MYRIP: variants seen among roughly 807,000 people sequenced by gnomAD.
MYRIP encodes myosin VIIA and Rab interacting protein, also known as rab effector MyRIP.
MYRIP carries 49 observed loss-of-function variants against 98.0 expected under a neutral mutation model. That is an observed-to-expected ratio of 0.50 (90% confidence interval 0.40 to 0.63). The LOEUF (loss-of-function observed/expected upper bound fraction) is 0.63, where lower values mean the gene tolerates loss of function less well. MYRIP is among the 30% of genes least tolerant of loss of function. The pLI, the probability that MYRIP is intolerant of heterozygous loss-of-function variation, is 0.00. For synonymous variants in MYRIP, 404 were observed against 409.5 expected (o/e 0.99, Z 0.16); for missense variants, 1,004 against 1,058.2 (o/e 0.95, Z 0.71).
intron 2 of MYRIP, among the ~76,000 whole-genome samples, chr3:39,952,851 A>G (rs1009515438): frequency 6.6e-6 from 1 of 152,158 alleles, no homozygotes; most frequent in Non-Finnish European, 1.5e-5. Context: ...TGCAATTGCC[A>G]CTGAGTATGT....
chr3:40,077,815 T>C (rs944318741), intron 3 of MYRIP, among the ~76,000 whole-genome samples: 2 of 152,252 alleles, frequency 1.3e-5, no homozygotes, highest in African/African-American at 4.8e-5. Flanking sequence ...TCTCCACGTC[T>C]CCACCAGACT....
intron 10 of MYRIP, among the ~76,000 whole-genome samples, chr3:40,192,354 T>TCATATA (rs1437789781): frequency 1.7e-4 from 6 of 34,894 alleles, no homozygotes; most frequent in Non-Finnish European, 3.9e-4. Flanking sequence ...ATATATATAT[T>TCATATA]TATATTTATT....
rs1026191060 is a variant in MYRIP at position 40,067,135 on chromosome 3, G to A, written c.332+22864G>A. Among the ~76,000 whole-genome samples the A allele has an allele frequency of 2.0e-5, 3 of 152,284 alleles. No homozygotes were observed. The East Asian group carries it at 5.8e-4, about 29-fold the overall frequency. On this transcript the variant is annotated intron_variant, in intron 3 of 16. Coordinates refer to ENST00000302541, the MANE Select transcript of MYRIP (RefSeq NM_015460.4). The stretch of plus-strand genomic sequence containing the variant: ...CATAAATAAGCATTTGCTATTGATT[G>A]TCAGAGATTATTAAAGTTGAGAATA...
Position 40,063,426 on chromosome 3 carries a change from A to G in MYRIP, c.332+19155A>G, listed in dbSNP as rs552025161. Among the ~76,000 whole-genome samples the G allele has an allele frequency of 3.9e-5, 6 of 152,328 alleles. No individual in the cohort carries two copies. In the South Asian group the frequency reaches 1.2e-3, roughly 32 times the overall value. On this transcript the variant is annotated intron_variant, in intron 3 of 16. Coordinates refer to ENST00000302541, the MANE Select transcript of MYRIP (RefSeq NM_015460.4). ...CTGACATATCCAGTAGTAAAGCAAC[A>G]TATTTATTACTTATTTCTTCTATGA...
Position 40,250,450 on chromosome 3 carries a change from A to G in MYRIP, c.2379A>G (p.Ile793Met). 1 of 1,614,230 alleles carries G rather than the reference A, an allele frequency of 6.2e-7. No individual in the cohort carries two copies. The highest frequency in any genetic ancestry group is 8.5e-7 in the Non-Finnish European group (1 of 1,180,028). ...TGTTCTGTTTGTAGGTACAAACCAT[A>G]GATACATCAAGGCAGCAAAGGAGGA... ...DQKQRTQVQTIDTSRQQRRKL... is the reference protein window; with the variant it reads ...DQKQRTQVQTMDTSRQQRRKL... The change falls in exon 15 of 17, where the codon ATA (isoleucine) becomes ATG (methionine). Residue 793 changes from isoleucine (I) to methionine (M), a missense_variant. Transcript: ENST00000302541.
intron 2 of MYRIP, among the ~76,000 whole-genome samples, chr3:39,998,912 A>C (rs997281645): frequency 1.3e-5 from 2 of 152,232 alleles, no homozygotes; most frequent in African/African-American, 4.8e-5. Flanking sequence ...TACCTGACAA[A>C]ACAAGCAATG....
At chr3:39,954,042 T>C (rs1167183504) in intron 2 of MYRIP, among the ~76,000 whole-genome samples, 1 of 152,100 alleles carries the variant, frequency 6.6e-6, no homozygotes, top group Non-Finnish European at 1.5e-5. Flanking sequence ...CCACCGCAGC[T>C]CAGGGAGTCC....
At chr3:40,136,392 T>C (rs979783773) in intron 3 of MYRIP, among the ~76,000 whole-genome samples, 1 of 152,154 alleles carries the variant, frequency 6.6e-6, no homozygotes, top group Non-Finnish European at 1.5e-5. Flanking sequence ...AGCAAGGCCT[T>C]AGAAACCTAC....
chr3:39,845,196 A>T (rs1941925820), intron 1 of MYRIP, among the ~76,000 whole-genome samples: 1 of 152,186 alleles, frequency 6.6e-6, no homozygotes, highest in Non-Finnish European at 1.5e-5. Context: ...GTGACTGAAG[A>T]TGCAGCTGGA....
intron 15 of MYRIP, 59 bp from the exon 16 acceptor site, chr3:40,251,820 TCC>T: frequency 8.4e-7 from 1 of 1,195,666 alleles, no homozygotes; most frequent in Non-Finnish European, 1.2e-6. Flanking sequence ...CCTTGTTTTT[TCC>T]TTAACAATCA....
At chr3:39,953,727 G>A (rs978774131) in intron 2 of MYRIP, among the ~76,000 whole-genome samples, 21 of 152,246 alleles carry the variant, frequency 1.4e-4, no homozygotes, top group East Asian at 3.9e-4. Context: ...GTGGGGCATC[G>A]CCTTACCCAG....
intron 2 of MYRIP, among the ~76,000 whole-genome samples, chr3:39,921,737 C>T (rs1575381217): frequency 1.3e-5 from 2 of 151,872 alleles, no homozygotes; most frequent in Admixed American, 6.6e-5. Flanking sequence ...AAAAATTAGC[C>T]GGGTGTGGTG....
chr3:39,939,885 G>T (rs1944743112), intron 2 of MYRIP, among the ~76,000 whole-genome samples: 1 of 152,098 alleles, frequency 6.6e-6, no homozygotes, highest in African/African-American at 2.4e-5. Context: ...GAATTTAGGA[G>T]AGTATAATTT....
At chr3:39,949,239 TCA>T (rs1219991133) in intron 2 of MYRIP, among the ~76,000 whole-genome samples, 9 of 152,176 alleles carry the variant, frequency 5.9e-5, no homozygotes. Flanking sequence ...ATCATCTATC[TCA>T]CAGTTTCTAG....
intron 13 of MYRIP, chr3:40,248,610 C>T (rs2125719378): frequency 6.6e-6 from 1 of 152,226 alleles, no homozygotes; most frequent in East Asian, 1.9e-4. Flanking sequence ...CCTGATAGTC[C>T]ACAAATGAAG....
intron 3 of MYRIP, among the ~76,000 whole-genome samples, chr3:40,116,228 A>G (rs1949274546): frequency 6.6e-6 from 1 of 152,008 alleles, no homozygotes; most frequent in Non-Finnish European, 1.5e-5. Flanking sequence ...CTAGCACTTT[A>G]CCTTTAGCCA....
chr3:40,256,611 C>A (rs1953600029), intron 16 of MYRIP, among the ~76,000 whole-genome samples: 1 of 151,044 alleles, frequency 6.6e-6, no homozygotes, highest in Non-Finnish European at 1.5e-5. Context: ...TTTATATATA[C>A]AATGTGATGT....
At chr3:39,859,640 A>G (rs1386262479) in intron 1 of MYRIP, among the ~76,000 whole-genome samples, 1 of 152,232 alleles carries the variant, frequency 6.6e-6, no homozygotes, top group Non-Finnish European at 1.5e-5. Flanking sequence ...AGCCAACTTA[A>G]CAGCAATTAG....
chr3:39,825,221 A>C (rs964720081), intron 1 of MYRIP, among the ~76,000 whole-genome samples: 6 of 152,110 alleles, frequency 3.9e-5, no homozygotes, highest in South Asian at 2.1e-4. Flanking sequence ...TAGTACTTCC[A>C]GTACTATGTT....
Sources: gnomAD v4.1 joint callset for allele counts (sites outside exome capture counted in the v4.1 genomes callset) on GRCh38, gnomAD v4.1.1 for gene constraint, MANE v1.5 for transcripts, NCBI Gene and HGNC (gene_info 2026-07-23, HGNC 2026-07-21) for gene names.